SIRT5: variants seen among roughly 807,000 people sequenced by gnomAD.
SIRT5 encodes NAD-dependent protein deacylase sirtuin-5, mitochondrial.
SIRT5 carries 26 observed loss-of-function variants against 40.0 expected under a neutral mutation model. The ratio of observed to expected loss-of-function variants is 0.65; its 90% CI spans 0.48 to 0.90. The LOEUF (loss-of-function observed/expected upper bound fraction) is 0.90. SIRT5 is among the 40% of genes least tolerant of loss of function. The pLI is 0.00. For synonymous variants in SIRT5, 146 were observed against 149.1 expected (o/e 0.98, Z 0.15); for missense variants, 401 against 402.4 (o/e 1.00, Z 0.03).
intron 3 of SIRT5, among the ~76,000 whole-genome samples, chr6:13,585,826 C>T (rs552131810): frequency 6.6e-6 from 1 of 152,310 alleles, no homozygotes; most frequent in South Asian, 2.1e-4. Context: ...ACACTCTCTT[C>T]CACAATGGTT....
intron 9 of SIRT5, among the ~76,000 whole-genome samples, chr6:13,602,234 A>G (rs1379731222): frequency 6.6e-6 from 1 of 152,232 alleles, no homozygotes; most frequent in Admixed American, 6.5e-5. Context: ...GACAGCAATT[A>G]ATTGAAAAGA....
In SIRT5 at chr6:13,591,891, C is replaced by T. The variant is rs1310989353; in HGVS notation, c.472C>T (p.His158Tyr). 1 of 1,610,528 alleles carries T rather than the reference C, an allele frequency of 6.2e-7. No individual in the cohort carries two copies. Among genetic ancestry groups the T allele is most frequent in the Admixed American group, 1.7e-5 (1 of 59,938 alleles). The change falls in exon 5 of 10, where the codon CAT becomes TAT. Residue 158 changes from histidine (H) to tyrosine (Y), a missense_variant. By Grantham distance (83) the His-to-Tyr change is moderately conservative. Transcript: ENST00000606117. The part of the protein sequence containing the change: ...KAGTKNLLEI[H>Y]GSLFKTRCTS... ...TGGCACCAAGAACCTTCTGGAGATC[C>T]ATGGTGAGAGACCCCCAGCCTCCCA...
chr6:13,596,938 T>G, intron 6 of SIRT5, 25 bp from the exon 7 acceptor site: 1 of 1,574,302 alleles, frequency 6.4e-7, no homozygotes, highest in Non-Finnish European at 8.6e-7. Flanking sequence ...TAACAATCTT[T>G]CTTTTCTAAT....
intron 9 of SIRT5, chr6:13,605,701 T>C (rs1763016641): frequency 1.0e-6 from 1 of 985,370 alleles, no homozygotes; most frequent in African/African-American, 1.7e-5. Context: ...TGATAAACCC[T>C]GACTATTCCA....
At position 13,597,319 on chromosome 6, in the gene SIRT5, G is replaced by C. The variant is rs1761690479; in HGVS notation, c.617+303G>C. On this transcript the variant is annotated intron_variant, in intron 7 of 9. Transcript: ENST00000606117. ...TTACCCAGTGTACAGAAAGCATAGG[G>C]GCTGACCTGTAACTGGTCAAATAAC... Among the ~76,000 whole-genome samples the C allele has an allele frequency of 2.0e-5, 3 of 151,702 alleles. No individual in the cohort carries two copies. In the South Asian group the frequency reaches 6.2e-4, roughly 32 times the overall value.
rs550126589 is a variant in SIRT5 at position 13,609,507 on chromosome 6, A to C, written c.858-2283A>C. The stretch of plus-strand genomic sequence containing the variant: ...AAGTAGGCCAGGGTCCCACTTCCCC[A>C]GAAACTATAATACCAAGTTTAGATC... On this transcript the variant is annotated intron_variant, in intron 9 of 9. Coordinates refer to ENST00000606117, the MANE Select transcript of SIRT5 (RefSeq NM_012241.5). Among the ~76,000 whole-genome samples, 234 of 152,326 alleles carry C rather than the reference A, an allele frequency of 1.5e-3. 2 individuals are homozygous for C. Among genetic ancestry groups the C allele is most frequent in the African/African-American group, 5.4e-3 (225 of 41,566 alleles).
Position 13,612,094 on chromosome 6 carries a change from C to G in SIRT5, c.*229C>G. ...GTTAATTCATATTATTTGGTTTGAA[C>G]TGAAACGTGAGGTATCTTTGATGTG... On this transcript the variant is annotated 3_prime_UTR_variant, in exon 10 of 10. Transcript: ENST00000606117. 2.6e-6 allele frequency: 1 copy of G among 378,582 alleles called. No homozygotes were observed. The allele number at this position is 378,582 out of a possible 1,614,324, so 23.5% of individuals were successfully genotyped here. A position where few individuals can be genotyped will look rare whatever the true frequency, so the allele number is the denominator to read the frequency against.
chr6:13,599,225 T>G, intron 8 of SIRT5, 70 bp downstream of exon 8: 1 of 1,503,546 alleles, frequency 6.7e-7, no homozygotes, highest in Non-Finnish European at 9.0e-7. Context: ...CCCTCTCCTC[T>G]TTTCCTTCCT....
chr6:13,575,396 C>T (rs1443499041), intron 1 of SIRT5, among the ~76,000 whole-genome samples: 1 of 152,064 alleles, frequency 6.6e-6, no homozygotes, highest in Non-Finnish European at 1.5e-5. Context: ...GGGAATGGGG[C>T]CCCCTAGTGG....
intron 6 of SIRT5, among the ~76,000 whole-genome samples, chr6:13,596,554 A>G (rs1223090224): frequency 6.6e-6 from 1 of 151,554 alleles, no homozygotes; most frequent in East Asian, 1.9e-4. Flanking sequence ...TGGCACAATC[A>G]CACCTTACTG....
At chr6:13,591,616 A>T (rs1760907153) in intron 4 of SIRT5, 53 bp from the exon 5 acceptor site, 5 of 1,423,382 alleles carry the variant, frequency 3.5e-6, no homozygotes, top group Non-Finnish European at 3.8e-6. Context: ...CCCAGGGTTC[A>T]GCATCCTGGC....
At chr6:13,600,463 T>G (rs933479566) in intron 8 of SIRT5, among the ~76,000 whole-genome samples, 1 of 152,250 alleles carries the variant, frequency 6.6e-6, no homozygotes, top group Non-Finnish European at 1.5e-5. Context: ...TATGTTTTTT[T>G]CTTCGTATTT....
chr6:13,610,182 A>G (rs930419266), intron 9 of SIRT5, among the ~76,000 whole-genome samples: 2 of 151,968 alleles, frequency 1.3e-5, no homozygotes, highest in African/African-American at 2.4e-5. Context: ...TGTTGCCCAG[A>G]CTGGTCTTGA....
chr6:13,577,871 G>A (rs1485358522), intron 1 of SIRT5, among the ~76,000 whole-genome samples: 1 of 152,034 alleles, frequency 6.6e-6, no homozygotes, highest in Non-Finnish European at 1.5e-5. Context: ...GACAATGTGA[G>A]AGTGAGCATC....
chr6:13,590,272 G>A (rs1432989152), intron 4 of SIRT5, among the ~76,000 whole-genome samples: 1 of 152,126 alleles, frequency 6.6e-6, no homozygotes, highest in Non-Finnish European at 1.5e-5. Context: ...ATCCCTGAAA[G>A]TTCCCTGTGC....
At chr6:13,576,288 C>G (rs1333840411) in intron 1 of SIRT5, among the ~76,000 whole-genome samples, 8 of 152,252 alleles carry the variant, frequency 5.3e-5, no homozygotes, top group Admixed American at 2.0e-4. Flanking sequence ...CCAGGGTTCC[C>G]TTTTCTCCAC....
At chr6:13,587,811 C>T (rs940517251) in intron 3 of SIRT5, among the ~76,000 whole-genome samples, 10 of 152,196 alleles carry the variant, frequency 6.6e-5, no homozygotes, top group African/African-American at 1.7e-4. Context: ...CACCTTCAGT[C>T]GCTGTGCTGA....
At chr6:13,587,812 G>A (rs147151295) in intron 3 of SIRT5, among the ~76,000 whole-genome samples, 20 of 152,316 alleles carry the variant, frequency 1.3e-4, no homozygotes, top group African/African-American at 4.1e-4. Flanking sequence ...ACCTTCAGTC[G>A]CTGTGCTGAG....
At chr6:13,579,901 T>G (rs1440657679) in intron 2 of SIRT5, among the ~76,000 whole-genome samples, 2 of 152,278 alleles carry the variant, frequency 1.3e-5, no homozygotes, top group Non-Finnish European at 1.5e-5. Context: ...CATTTGTTCC[T>G]TACTGAGTTT....
Sources: allele counts gnomAD v4.1 joint callset (sites outside exome capture counted in the v4.1 genomes callset), GRCh38; gene constraint gnomAD v4.1.1; transcripts MANE v1.5; gene names NCBI Gene and HGNC (gene_info 2026-07-23, HGNC 2026-07-21).